Variants in YY1AP1 observed in about 807,000 individuals in gnomAD.
The protein encoded by YY1AP1 is YY1-associated protein 1.
Under a neutral mutation model 39.9 loss-of-function variants are expected in YY1AP1, and 43 were observed. The observed-to-expected ratio is 1.08, with a 90% CI of 0.84 to 1.39. The LOEUF is 1.39. Among genes scored for constraint, YY1AP1 ranks in the 40% most tolerant of loss-of-function variants. The probability of loss-of-function intolerance (pLI) is 0.00; values close to 1 mark genes in which losing one functional copy is unlikely to be tolerated. For missense variants in YY1AP1, 813 were observed against 900.7 expected (o/e 0.90, Z 1.25); for synonymous variants, 292 against 331.3 (o/e 0.88, Z 1.29).
intron 2 of YY1AP1, among the ~76,000 whole-genome samples, chr1:155,686,192 C>T (rs1234511435): frequency 6.6e-6 from 1 of 151,666 alleles, no homozygotes; most frequent in African/African-American, 2.4e-5. Flanking sequence ...CCCGCCACCA[C>T]GCCCGGCTAA....
At position 155,679,902 on chromosome 1, in the gene YY1AP1, A is replaced by C. The variant is rs542550742; in HGVS notation, c.22-390T>G. On this transcript the variant is annotated intron_variant, in intron 3 of 10. Coordinates refer to ENST00000355499, the MANE Select transcript of YY1AP1 (RefSeq NM_139119.3). ...GTAGGGGAAGCCATCAAAAGTTTTC[A>C]AGGGGCAAGATGTGCTGGCTCACAC... 6.4e-6 allele frequency: 4 copies of C among 623,590 alleles called. No individual in the cohort carries two copies. In the South Asian group the frequency reaches 1.1e-4, roughly 17 times the overall value. 38.6% of individuals were successfully genotyped at this position (623,590 alleles called of 1,614,324 possible).
chr1:155,688,783 C>G (rs1653171422), upstream of YY1AP1: 2 of 1,540,050 alleles, frequency 1.3e-6, no homozygotes, highest in Admixed American at 4.1e-5. Context: ...ACACTCCTCG[C>G]GCGTGCGCCT....
intron 5 of YY1AP1, among the ~76,000 whole-genome samples, chr1:155,675,840 T>A (rs1272413533): frequency 6.6e-6 from 1 of 152,204 alleles, no homozygotes; most frequent in Non-Finnish European, 1.5e-5. Context: ...CAACGTAGGA[T>A]CTTGGCATAA....
chr1:155,660,860 T>G lies in YY1AP1; in HGVS notation c.1050A>C (p.Arg350Ser). 6.2e-7 allele frequency: 1 copy of G among 1,614,202 alleles called. No individual in the cohort carries two copies. The highest frequency in any genetic ancestry group is 8.5e-7 in the Non-Finnish European group (1 of 1,180,044). ...TGGTTCCAGTCATATTTCCTACCTC[T>G]CTAGCACCATCAGCCATGTGCCGCA... ...EELRHMADGA[R>S]EVGNMTGTTE... Residue 350 changes from arginine to serine, a missense_variant, in exon 11 of 11, where the codon AGA becomes AGC. Arg to Ser is a moderately radical substitution (Grantham distance 110, BLOSUM62 -1). This residue lies in a region of YY1AP1 where 586 missense variants were observed against 647.4 expected (regional missense o/e 0.91). Coordinates refer to ENST00000355499, the MANE Select transcript of YY1AP1 (RefSeq NM_139119.3).
At chr1:155,674,799 C>T (rs1650394526) in intron 6 of YY1AP1, 8 of 418,562 alleles carry the variant, frequency 1.9e-5, no homozygotes, top group South Asian at 1.9e-4. Flanking sequence ...GCACTCCATC[C>T]TGGGTGAAAG....
intron 9 of YY1AP1, among the ~76,000 whole-genome samples, chr1:155,664,483 C>T (rs1017173853): frequency 2.6e-5 from 4 of 151,934 alleles, no homozygotes; most frequent in African/African-American, 9.7e-5. Flanking sequence ...GCCTGTAATC[C>T]CAGCACTATG....
intron 8 of YY1AP1, among the ~76,000 whole-genome samples, chr1:155,669,659 C>T (rs1649556241): frequency 6.6e-6 from 1 of 152,186 alleles, no homozygotes; most frequent in Non-Finnish European, 1.5e-5. Flanking sequence ...TCTAACATAA[C>T]ATATATAATC....
intron 9 of YY1AP1, among the ~76,000 whole-genome samples, chr1:155,662,839 A>G (rs539646044): frequency 1.3e-5 from 2 of 152,050 alleles, no homozygotes; most frequent in South Asian, 4.2e-4. Context: ...TGTCTCTAAT[A>G]AAGTACAAAA....
intron 9 of YY1AP1, among the ~76,000 whole-genome samples, chr1:155,667,177 C>A (rs1418029422): frequency 6.6e-6 from 1 of 152,078 alleles, no homozygotes; most frequent in East Asian, 1.9e-4. Flanking sequence ...GAGAGTAAGA[C>A]CTTGTCTCAA....
Position 155,661,330 on chromosome 1 carries a change from G to A in YY1AP1, c.973C>T (p.His325Tyr), listed in dbSNP as rs1225630900. Residue 325 changes from histidine (H) to tyrosine (Y), a missense_variant, in exon 10 of 11, where the codon CAC becomes TAC. By Grantham distance (83) the His-to-Tyr change is moderately conservative (BLOSUM62 2). Coordinates refer to ENST00000355499, the MANE Select transcript of YY1AP1 (RefSeq NM_139119.3). ...ACCTTTAACCAGAATGGGAGCCGGTGTTCTTCTCTCTCTATAGGTGGCTTC... is the reference window on the plus strand; with the variant it reads ...ACCTTTAACCAGAATGGGAGCCGGTATTCTTCTCTCTCTATAGGTGGCTTC... ...QWKPPIEREE[H>Y]RLPFWLKASL... The A allele has an allele frequency of 2.5e-6, 4 of 1,613,754 alleles. No homozygotes were observed. The highest frequency in any genetic ancestry group is 2.5e-6 in the Non-Finnish European group (3 of 1,179,864).
chr1:155,676,708 T>A lies in YY1AP1; in HGVS notation c.164A>T (p.His55Leu). Residue 55 changes from histidine to leucine, a missense_variant, in exon 5 of 11, where the codon CAT becomes CTT. This residue lies in a region of YY1AP1 where 196 missense variants were observed against 189.7 expected (regional missense o/e 1.03). Coordinates refer to ENST00000355499, the MANE Select transcript of YY1AP1 (RefSeq NM_139119.3). ...ELLANLLNEQ[H>L]QIAKELFEQL... The stretch of plus-strand genomic sequence containing the variant: ...TTCAAATAGTTCCTTCGCTATCTGA[T>A]GTTGTTCATTTAGTAGGTTGGCCAG... The A allele has an allele frequency of 1.2e-6, 2 of 1,614,202 alleles. No homozygotes were observed. Among genetic ancestry groups the A allele is most frequent in the Non-Finnish European group, 1.7e-6 (2 of 1,180,034 alleles).
intron 1 of YY1AP1, 184 bp from the exon 2 acceptor site, chr1:155,688,385 C>G (rs1326819716): frequency 2.6e-6 from 4 of 1,543,214 alleles, no homozygotes; most frequent in Non-Finnish European, 3.5e-6. Flanking sequence ...GCTAAGGGCG[C>G]CTAGCGACAC....
chr1:155,660,345 C>T lies in YY1AP1; in HGVS notation c.1565G>A (p.Arg522Gln), dbSNP rs753677316. ...GGGTCTCCGTCTCACATATGGCTTT[C>T]GAAACATGGAAGAGGCAGGGGAGGG... ...MMPSPASSMF[R>Q]KPYVRRRPSK... is the part of the protein sequence containing the mutation. The change falls in exon 11 of 11, where the codon CGA becomes CAA. Residue 522 changes from arginine to glutamine, a missense_variant. Transcript: ENST00000355499. The T allele has an allele frequency of 1.4e-5, 23 of 1,613,952 alleles. 1 individual carries two copies. Among genetic ancestry groups the T allele is most frequent in the African/African-American group, 4.0e-5 (3 of 74,876 alleles).
At chr1:155,679,633 G>C in intron 3 of YY1AP1, 121 bp from the exon 4 acceptor site, 4 of 1,550,466 alleles carry the variant, frequency 2.6e-6, no homozygotes, top group Non-Finnish European at 3.5e-6. Context: ...CCCAGAAAGA[G>C]CCTACATCAG....
chr1:155,661,760 ATTC>A, intron 9 of YY1AP1, among the ~76,000 whole-genome samples: 1 of 152,262 alleles, frequency 6.6e-6, no homozygotes, highest in East Asian at 1.9e-4. Context: ...GGTTCACGCC[ATTC>A]TCCTGCCTCA....
chr1:155,687,240 C>T (rs1465320118), intron 2 of YY1AP1, among the ~76,000 whole-genome samples: 1 of 151,748 alleles, frequency 6.6e-6, no homozygotes, highest in Non-Finnish European at 1.5e-5. Flanking sequence ...ACACAACTCA[C>T]TCTAACCAAA....
intron 2 of YY1AP1, among the ~76,000 whole-genome samples, chr1:155,684,202 T>A (rs1024284215): frequency 6.6e-6 from 1 of 152,120 alleles, no homozygotes; most frequent in African/African-American, 2.4e-5. Context: ...GAGGCAAGAT[T>A]GTGCCATTGT....
At chr1:155,679,108 T>C (rs1651144817) in intron 4 of YY1AP1, 3 of 1,297,846 alleles carry the variant, frequency 2.3e-6, no homozygotes, top group Admixed American at 2.9e-5. Flanking sequence ...ATAGGGTAGT[T>C]TGTGTGGCTG....
Position 155,659,553 on chromosome 1 carries a change from G to T in YY1AP1, c.*104C>A. The stretch of plus-strand genomic sequence containing the variant: ...TCAAGAGCCCCAGTTGCAAAATCTG[G>T]GGTTTAAGTACCCTTTAGGGGTTTC... On this transcript the variant is annotated 3_prime_UTR_variant, in exon 11 of 11. Transcript: ENST00000355499. 1 of 1,283,580 alleles carries T rather than the reference G, an allele frequency of 7.8e-7. No homozygotes were observed. The highest frequency in any genetic ancestry group is 2.1e-5 in the Admixed American group (1 of 46,990). The allele number at this position is 1,283,580 out of a possible 1,614,324, so 79.5% of individuals were successfully genotyped here.
Sources: gnomAD v4.1 joint callset for allele counts (sites outside exome capture counted in the v4.1 genomes callset) on GRCh38, gnomAD v4.1.1 for gene constraint, gnomAD v4.1.1 regional missense constraint, MANE v1.5 for transcripts, NCBI Gene and HGNC (gene_info 2026-07-23, HGNC 2026-07-21) for gene names.